SMG1: variants seen among roughly 807,000 people sequenced by gnomAD.
SMG1 encodes serine/threonine-protein kinase SMG1.
SMG1 carries 22 observed loss-of-function variants against 419.9 expected under a neutral mutation model. The observed-to-expected ratio is 0.05, with a 90% CI of 0.04 to 0.07. SMG1 has a LOEUF of 0.07. Ranked by LOEUF, SMG1 falls within the 10% of genes least tolerant of loss-of-function variation. The pLI is 1.00. For missense variants in SMG1, 3,185 were observed against 4,342.0 expected, an observed-to-expected ratio of 0.73 and a Z score of 7.49; for synonymous variants, 1,538 against 1,553.5, an observed-to-expected ratio of 0.99 and a Z score of 0.23.
chr16:18,897,238 C>G (rs1369559889), intron 1 of SMG1, among the ~76,000 whole-genome samples: 5 of 152,150 alleles, frequency 3.3e-5, no homozygotes, highest in Admixed American at 6.5e-5. Context: ...GCTGGTTTTA[C>G]CATTGAAAGT....
intron 36 of SMG1, among the ~76,000 whole-genome samples, chr16:18,848,937 G>A (rs1486853616): frequency 2.0e-5 from 3 of 151,616 alleles, no homozygotes; most frequent in African/African-American, 7.3e-5. Flanking sequence ...TGGGCGTGGT[G>A]GCACGCACAT....
At chr16:18,892,132 C>T in intron 4 of SMG1, 86 bp downstream of exon 4, 1 of 902,622 alleles carries the variant, frequency 1.1e-6, no homozygotes. Flanking sequence ...ACAGACTTTC[C>T]CCATTCTTAA....
At chr16:18,880,516 C>T (rs1211255569) in intron 10 of SMG1, among the ~76,000 whole-genome samples, 1 of 151,980 alleles carries the variant, frequency 6.6e-6, no homozygotes, top group Non-Finnish European at 1.5e-5. Context: ...AGTTTGAGAC[C>T]AGCCATGTCA....
In SMG1 at chr16:18,807,043, T is replaced by C. The variant is rs2030901384; in HGVS notation, c.*2526A>G. ...CCCACTGTGTATGCCACATTATTCTTGGAGGGACCACTTTAAAACAAAAGT... is the reference window on the plus strand; with the variant it reads ...CCCACTGTGTATGCCACATTATTCTCGGAGGGACCACTTTAAAACAAAAGT... On this transcript the variant is annotated 3_prime_UTR_variant, in exon 63 of 63. Transcript: ENST00000446231. 6.6e-6 allele frequency: 1 copy of C among 152,350 alleles called. No individual in the cohort carries two copies. Among genetic ancestry groups the C allele is most frequent in the Admixed American group, 6.5e-5 (1 of 15,304 alleles). The allele number at this position is 152,350 out of a possible 1,614,324, so 9.4% of individuals were successfully genotyped here.
At chr16:18,815,392 T>C in intron 59 of SMG1, 48 bp downstream of exon 59, 2 of 1,582,784 alleles carry the variant, frequency 1.3e-6, no homozygotes, top group Non-Finnish European at 1.7e-6. Context: ...CTTATACCAG[T>C]AGTTTTGTAC....
chr16:18,814,618 A>G (rs1187280994), intron 60 of SMG1, among the ~76,000 whole-genome samples: 4 of 151,980 alleles, frequency 2.6e-5, no homozygotes, highest in African/African-American at 9.7e-5. Context: ...TCTGTCACCC[A>G]GCCTGGAGTG....
At chr16:18,844,570 T>TCACACACACACATA (rs1555491881) in intron 39 of SMG1, among the ~76,000 whole-genome samples, 1 of 88,522 alleles carries the variant, frequency 1.1e-5, no homozygotes, top group Non-Finnish European at 2.2e-5. Flanking sequence ...CATCCTTCTC[T>TCACACACACACATA]CACACACACA....
intron 44 of SMG1, 55 bp from the exon 45 acceptor site, chr16:18,838,287 T>A (rs2033706437): frequency 6.8e-6 from 11 of 1,608,926 alleles, no homozygotes; most frequent in Non-Finnish European, 9.4e-6. Flanking sequence ...ATCACTAAAG[T>A]GTGGTTTTCA....
At chr16:18,811,529 T>C (rs1322776806) in intron 62 of SMG1, among the ~76,000 whole-genome samples, 2 of 152,148 alleles carry the variant, frequency 1.3e-5, no homozygotes, top group African/African-American at 4.8e-5. Context: ...ATCGGACTTA[T>C]ATTTGGGTTA....
In SMG1 at chr16:18,855,747, A is replaced by AT. The variant is rs564259130; in HGVS notation, c.4235-844dup. Among the ~76,000 whole-genome samples the AT allele has an allele frequency of 1.8e-3, 271 of 152,310 alleles. 1 individual carries two copies. Among genetic ancestry groups the AT allele is most frequent in the Non-Finnish European group, 1.7e-3 (117 of 68,038 alleles). On this transcript the variant is annotated intron_variant, in intron 29 of 62. Coordinates refer to ENST00000446231, the MANE Select transcript of SMG1 (RefSeq NM_015092.5). ...TACCCTCTTTAGCAGAGACTTCAGC[A>AT]TAACTTAGGTCCCTTTGACCCCATT...
In SMG1 at chr16:18,876,664, G is replaced by GTTTT. The variant is rs59861986; in HGVS notation, c.1621-275_1621-272dup. On this transcript the variant is annotated intron_variant, in intron 12 of 62. Transcript: ENST00000446231. ...TCAATATGAAATTTCCGAAATGGCC[G>GTTTT]TTTTTTTTTTTTTTTAAATAATCAA... 3.8e-3 allele frequency among the ~76,000 whole-genome samples: 481 copies of GTTTT among 125,730 alleles called. 4 individuals are homozygous for GTTTT. Among genetic ancestry groups the GTTTT allele is most frequent in the African/African-American group, 0.012 (455 of 39,006 alleles). 82.5% of individuals were successfully genotyped at this position (125,730 alleles called of 152,430 possible).
chr16:18,869,454 C>T (rs948869154), intron 19 of SMG1, among the ~76,000 whole-genome samples, 151 bp from the exon 20 acceptor site: 8 of 152,180 alleles, frequency 5.3e-5, no homozygotes, highest in East Asian at 1.9e-4. Flanking sequence ...TGTGTCCCCC[C>T]TCTCATTTTG....
chr16:18,913,946 C>T (rs1474909354), intron 1 of SMG1, among the ~76,000 whole-genome samples: 1 of 152,020 alleles, frequency 6.6e-6, no homozygotes, highest in Non-Finnish European at 1.5e-5. Flanking sequence ...CAGGGGGCAT[C>T]ACCTGAGGTC....
In SMG1 at chr16:18,815,439, C is replaced by G. The variant is rs2031916505; in HGVS notation, c.10514+1G>C. 6.2e-7 allele frequency: 1 copy of G among 1,613,714 alleles called. No individual in the cohort carries two copies. On this transcript the variant is annotated splice_donor_variant, in intron 59 of 62. Transcript: ENST00000446231. LOFTEE classifies it high-confidence loss of function. The stretch of plus-strand genomic sequence containing the variant: ...AAATTCTGACCAGAAGGCATTCTTA[C>G]CTCTGACTTTGTGTTTTCAGTTCTT...
chr16:18,820,216 G>A (rs535913917), intron 55 of SMG1, among the ~76,000 whole-genome samples: 3 of 151,862 alleles, frequency 2.0e-5, no homozygotes, highest in South Asian at 4.2e-4. Context: ...CACCCGCCTC[G>A]GCCTCCCAAA....
At chr16:18,848,444 T>G (rs1001730116) in intron 36 of SMG1, among the ~76,000 whole-genome samples, 1 of 151,884 alleles carries the variant, frequency 6.6e-6, no homozygotes. Flanking sequence ...GCCTCCTGAA[T>G]AGCTGGGACT....
chr16:18,833,470 TATA>T (rs1567335707), intron 50 of SMG1, among the ~76,000 whole-genome samples: 2 of 152,184 alleles, frequency 1.3e-5, no homozygotes, highest in Non-Finnish European at 2.9e-5. Context: ...AAGTATGTTA[TATA>T]ATGTTATTAA....
chr16:18,812,752 T>C (rs1036762427), intron 60 of SMG1, among the ~76,000 whole-genome samples: 1 of 152,074 alleles, frequency 6.6e-6, no homozygotes, highest in South Asian at 2.1e-4. Context: ...ACATGTGCCA[T>C]GTTGGTGTGC....
intron 51 of SMG1, among the ~76,000 whole-genome samples, 196 bp downstream of exon 51, chr16:18,832,744 T>C (rs2033287963): frequency 6.6e-6 from 1 of 152,210 alleles, no homozygotes; most frequent in Non-Finnish European, 1.5e-5. Context: ...GCCTGCACTT[T>C]TTTTTTAAGC....
Sources: allele counts gnomAD v4.1 joint callset (sites outside exome capture counted in the v4.1 genomes callset), GRCh38; gene constraint gnomAD v4.1.1; transcripts MANE v1.5; gene names NCBI Gene and HGNC (gene_info 2026-07-23, HGNC 2026-07-21).